DST: variants seen among roughly 807,000 people sequenced by gnomAD.
DST encodes dystonin.
Under a neutral mutation model 875.2 loss-of-function variants are expected in DST, and 253 were observed. The ratio of observed to expected loss-of-function variants is 0.29; its 90% CI spans 0.26 to 0.32. The LOEUF (loss-of-function observed/expected upper bound fraction) is 0.32, where lower values mean the gene tolerates loss of function less well. Among genes scored for constraint, DST ranks in the 10% least tolerant of loss-of-function variants. The pLI, the probability that DST is intolerant of heterozygous loss-of-function variation, is 1.00. For synonymous variants in DST, 3,124 were observed against 3,197.1 expected (o/e 0.98, Z 0.77); for missense variants, 8,287 against 9,111.6 (o/e 0.91, Z 3.68).
intron 9 of DST, among the ~76,000 whole-genome samples, chr6:56,693,875 T>TA (rs200372034): frequency 7.9e-5 from 12 of 151,722 alleles, no homozygotes; most frequent in African/African-American, 1.7e-4. Flanking sequence ...AAATTGTTTC[T>TA]AAAAAAAATC....
At position 56,552,525 on chromosome 6, in the gene DST, C is replaced by T. The variant is rs770951734; in HGVS notation, c.16267G>A (p.Glu5423Lys). The change falls in exon 61 of 104, where the codon GAA becomes AAA. Residue 5423 changes from glutamate (E) to lysine (K), a missense_variant. Coordinates refer to ENST00000680361, the MANE Select transcript of DST (RefSeq NM_001374736.1). ...RDAETLQKQK[E>K]TIKAFLKKLE... is the part of the protein sequence containing the mutation. The stretch of plus-strand genomic sequence containing the variant: ...TTCTTTAGAAAGGCTTTTATAGTTT[C>T]CTTTTGCTTTTGCAATGTTTCTGCA... 4 of 1,613,948 alleles carry T rather than the reference C, an allele frequency of 2.5e-6. No individual in the cohort carries two copies. In the South Asian group the frequency reaches 4.4e-5, roughly 18 times the overall value.
chr6:56,521,073 G>A (rs1389841817), intron 69 of DST, among the ~76,000 whole-genome samples: 1 of 151,950 alleles, frequency 6.6e-6, no homozygotes, highest in African/African-American at 2.4e-5. Context: ...AGCAATTATT[G>A]ATCAATATGA....
chr6:56,808,620 G>T (rs1561943386), intron 4 of DST, among the ~76,000 whole-genome samples: 1 of 152,216 alleles, frequency 6.6e-6, no homozygotes, highest in Non-Finnish European at 1.5e-5. Flanking sequence ...GAAGACTACG[G>T]ATGTGGCTAC....
At chr6:56,899,905 C>T (rs543626712) in intron 3 of DST, among the ~76,000 whole-genome samples, 3 of 152,288 alleles carry the variant, frequency 2.0e-5, no homozygotes, top group African/African-American at 7.2e-5. Flanking sequence ...AATATAAAGG[C>T]CACACCTGAG....
intron 69 of DST, among the ~76,000 whole-genome samples, chr6:56,520,308 A>G (rs941749692): frequency 1.3e-5 from 2 of 152,192 alleles, no homozygotes; most frequent in African/African-American, 4.8e-5. Flanking sequence ...GAAGGAGAAG[A>G]GAAAGAGATT....
chr6:56,642,875 T>C, intron 15 of DST: 1 of 1,598,286 alleles, frequency 6.3e-7, no homozygotes, highest in Admixed American at 1.7e-5. Flanking sequence ...CTTCTAACGG[T>C]GAAAAGTGGC....
intron 36 of DST, chr6:56,619,478 C>T: frequency 6.2e-7 from 1 of 1,611,252 alleles, no homozygotes; most frequent in Non-Finnish European, 8.5e-7. Flanking sequence ...GATTTGTAGT[C>T]TTTCTAATTC....
At chr6:56,726,065 A>G (rs1450496532) in intron 5 of DST, among the ~76,000 whole-genome samples, 1 of 152,202 alleles carries the variant, frequency 6.6e-6, no homozygotes, top group Non-Finnish European at 1.5e-5. Context: ...ACACTTTTGG[A>G]AATACGCAAT....
rs1220278775 is a variant in DST, at chr6:56,497,423, C to G, written c.20179G>C (p.Gly6727Arg). The G allele has an allele frequency of 1.2e-6, 2 of 1,613,138 alleles. No individual in the cohort carries two copies. Among genetic ancestry groups the G allele is most frequent in the South Asian group, 2.2e-5 (2 of 91,036 alleles). ...ERHLLASKPLGGLPETAKEQL... is the reference protein window; with the variant it reads ...ERHLLASKPLRGLPETAKEQL... The stretch of plus-strand genomic sequence containing the variant: ...TCCTTGGCTGTTTCCGGTAAACCTC[C>G]CAGCGGTTTAGATGCCAACAGATGA... Residue 6727 changes from glycine to arginine, a missense_variant, in exon 82 of 104, where the codon GGA becomes CGA. This residue lies in a region of DST where 1,292 missense variants were observed against 1,552.7 expected (regional missense o/e 0.83). Transcript: ENST00000680361.
intron 3 of DST, among the ~76,000 whole-genome samples, chr6:56,880,874 G>A (rs1781845144): frequency 1.2e-5 from 1 of 83,944 alleles, no homozygotes; most frequent in Non-Finnish European, 2.1e-5. Flanking sequence ...TTGAGACAGA[G>A]TCTTTGCTCT....
At chr6:56,597,605 A>G (rs1474113642) in intron 47 of DST, 135 bp downstream of exon 47, 3 of 807,804 alleles carry the variant, frequency 3.7e-6, no homozygotes, top group Admixed American at 3.1e-5. Flanking sequence ...ATAATAATTT[A>G]TATCTGACAT....
chr6:56,666,033 T>C (rs1588119732), intron 10 of DST, among the ~76,000 whole-genome samples: 1 of 152,242 alleles, frequency 6.6e-6, no homozygotes, highest in African/African-American at 2.4e-5. Flanking sequence ...TTCTGTAACA[T>C]CTATAAATTA....
chr6:56,463,656 G>A lies in DST; in HGVS notation c.22868C>T (p.Ser7623Leu). The A allele has an allele frequency of 6.2e-7, 1 of 1,613,988 alleles. No individual in the cohort carries two copies. The highest frequency in any genetic ancestry group is 8.5e-7 in the Non-Finnish European group (1 of 1,179,902). ...RPRGRRSRPSSRGASPNRSTS... is the reference protein window; with the variant it reads ...RPRGRRSRPSLRGASPNRSTS... ...GGATCTGTTGGGTGAAGCGCCTCGT[G>A]ATGATGGCCGGGATCTTCGGCCTCG... is the stretch of plus-strand genomic sequence containing the variant. Residue 7623 changes from serine (S) to leucine (L), a missense_variant, in exon 101 of 104, where the codon TCA (serine) becomes TTA (leucine). Coordinates refer to ENST00000680361, the MANE Select transcript of DST (RefSeq NM_001374736.1).
At position 56,606,797 on chromosome 6, in the gene DST, C is replaced by T; in HGVS notation, c.7831G>A (p.Asp2611Asn). ...NTGTDTDSDDDFYDTPLFEDD... is the reference protein window; with the variant it reads ...NTGTDTDSDDNFYDTPLFEDD... Reference sequence around the variant, plus strand: ...TCAAACAAGGGAGTATCATAAAAATCATCATCACTATCAGTGTCTGTTCCT... The same window carrying T: ...TCAAACAAGGGAGTATCATAAAAATTATCATCACTATCAGTGTCTGTTCCT... Residue 2611 changes from aspartate to asparagine, a missense_variant, in exon 40 of 104, where the codon GAT becomes AAT. Around this residue, in one of 10 missense-constraint regions of DST, gnomAD observed 3,138 missense variants for 3,116.6 expected, o/e 1.01. Coordinates refer to ENST00000680361, the MANE Select transcript of DST (RefSeq NM_001374736.1). 1 of 1,613,188 alleles carries T rather than the reference C, an allele frequency of 6.2e-7. No homozygotes were observed. Among genetic ancestry groups the T allele is most frequent in the South Asian group, 1.1e-5 (1 of 91,058 alleles).
chr6:56,946,955 T>TAAA (rs1819825634), intron 2 of DST, among the ~76,000 whole-genome samples: 1 of 152,166 alleles, frequency 6.6e-6, no homozygotes, highest in African/African-American at 2.4e-5. Flanking sequence ...TACTTCATAT[T>TAAA]AAAATTTGTA....
intron 38 of DST, among the ~76,000 whole-genome samples, chr6:56,611,168 A>G (rs1344683379): frequency 6.6e-6 from 1 of 152,158 alleles, no homozygotes; most frequent in Non-Finnish European, 1.5e-5. Context: ...CCATATTTAT[A>G]CATATTTTCC....
At chr6:56,640,661 G>A (rs1002705350) in intron 17 of DST, 56 bp from the exon 18 acceptor site, 2 of 1,321,978 alleles carry the variant, frequency 1.5e-6, no homozygotes, top group Non-Finnish European at 1.1e-6. Flanking sequence ...GTAACAAAGA[G>A]TGAACTCTAA....
intron 57 of DST, among the ~76,000 whole-genome samples, chr6:56,560,935 A>C (rs2097528196): frequency 6.6e-6 from 1 of 152,146 alleles, no homozygotes; most frequent in African/African-American, 2.4e-5. Flanking sequence ...CCCTCTATTA[A>C]AGAAAAGGAA....
chr6:56,868,057 T>TA (rs915111708), intron 3 of DST, among the ~76,000 whole-genome samples: 2 of 152,204 alleles, frequency 1.3e-5, no homozygotes, highest in African/African-American at 4.8e-5. Context: ...GTAGTTTTTT[T>TA]AAAAAACATT....
Sources: gnomAD v4.1 joint callset for allele counts (sites outside exome capture counted in the v4.1 genomes callset) on GRCh38, gnomAD v4.1.1 for gene constraint, gnomAD v4.1.1 regional missense constraint, MANE v1.5 for transcripts, NCBI Gene and HGNC (gene_info 2026-07-23, HGNC 2026-07-21) for gene names.